The following ZDHHC20 variants were observed in gnomAD, a reference collection of about 807,000 sequenced individuals.
ZDHHC20 encodes palmitoyltransferase ZDHHC20.
A neutral mutation model predicts 57.8 loss-of-function variants in ZDHHC20; 43 were observed. That is an observed-to-expected ratio of 0.74 (90% confidence interval 0.58 to 0.96). ZDHHC20 has a LOEUF of 0.96. ZDHHC20 is among the 40% of genes least tolerant of loss of function. The pLI is 0.00. For missense variants in ZDHHC20, 391 were observed against 441.1 expected (o/e 0.89, Z 1.02); for synonymous variants, 157 against 153.0 (o/e 1.03, Z -0.19).
chr13:21,449,046 C>T (rs1265249724), intron 1 of ZDHHC20, among the ~76,000 whole-genome samples: 1 of 130,440 alleles, frequency 7.7e-6, no homozygotes, highest in East Asian at 2.0e-4. Context: ...CATCACCAAT[C>T]CCTGATCTCA....
intron 6 of ZDHHC20, among the ~76,000 whole-genome samples, chr13:21,401,445 T>C (rs578181000): frequency 1.3e-5 from 2 of 152,346 alleles, no homozygotes; most frequent in South Asian, 4.1e-4. Flanking sequence ...TGTTAATTCT[T>C]AATACATTGT....
intron 1 of ZDHHC20, among the ~76,000 whole-genome samples, chr13:21,436,853 C>A (rs958050211): frequency 1.3e-5 from 2 of 152,128 alleles, no homozygotes; most frequent in African/African-American, 4.8e-5. Flanking sequence ...GCCTCTTGGG[C>A]CAAAGTTAGC....
intron 1 of ZDHHC20, among the ~76,000 whole-genome samples, chr13:21,442,741 C>A (rs909121523): frequency 6.6e-6 from 1 of 151,518 alleles, no homozygotes; most frequent in Non-Finnish European, 1.5e-5. Flanking sequence ...GACGACAGAG[C>A]GAGACTCTAT....
chr13:21,385,745 A>G (rs1361438116), intron 9 of ZDHHC20, among the ~76,000 whole-genome samples: 2 of 152,238 alleles, frequency 1.3e-5, no homozygotes, highest in Non-Finnish European at 2.9e-5. Context: ...ATGAAAACTA[A>G]GAACTTACAG....
chr13:21,410,794 G>T (rs1879098356), intron 4 of ZDHHC20, among the ~76,000 whole-genome samples: 1 of 152,184 alleles, frequency 6.6e-6, no homozygotes, highest in Admixed American at 6.5e-5. Context: ...TAGCTTGTTG[G>T]GGTCTGTGGA....
At chr13:21,448,453 C>T (rs1370279744) in intron 1 of ZDHHC20, among the ~76,000 whole-genome samples, 2 of 102,030 alleles carry the variant, frequency 2.0e-5, no homozygotes, top group African/African-American at 3.2e-5. Flanking sequence ...CCGCCCCGTC[C>T]GGGAAGGAGG....
In ZDHHC20 at chr13:21,399,409, A is replaced by T. The variant is rs146257662; in HGVS notation, c.594+964T>A. 1.1e-4 allele frequency among the ~76,000 whole-genome samples: 17 copies of T among 152,056 alleles called. No homozygotes were observed. The East Asian group carries it at 1.7e-3, about 15-fold the overall frequency. ...AATATAAAATAATTTCTAAATTTTT[A>T]AAAAATGGCACATGCACAGAGAAAA... On this transcript the variant is annotated intron_variant, in intron 7 of 12. Transcript: ENST00000400590.
intron 4 of ZDHHC20, among the ~76,000 whole-genome samples, chr13:21,410,801 T>C (rs1296331022): frequency 3.3e-5 from 5 of 152,208 alleles, no homozygotes; most frequent in Non-Finnish European, 4.4e-5. Context: ...TTGGGGTCTG[T>C]GGAGGTGGGA....
chr13:21,452,293 G>T (rs951025039), intron 1 of ZDHHC20, among the ~76,000 whole-genome samples: 7 of 152,124 alleles, frequency 4.6e-5, no homozygotes, highest in African/African-American at 1.4e-4. Flanking sequence ...GCAAAACTTG[G>T]CAAATTTACT....
intron 7 of ZDHHC20, among the ~76,000 whole-genome samples, chr13:21,398,142 T>C (rs1877079583): frequency 6.6e-6 from 1 of 152,084 alleles, no homozygotes. Flanking sequence ...GAACACCTAC[T>C]GTGTGTTCAG....
chr13:21,407,872 G>C (rs533821909), intron 4 of ZDHHC20, among the ~76,000 whole-genome samples: 49 of 152,194 alleles, frequency 3.2e-4, no homozygotes, highest in Non-Finnish European at 5.9e-4. Context: ...TTATTAAATA[G>C]GGAATCCTTT....
At chr13:21,415,536 T>C (rs112105912) in intron 3 of ZDHHC20, among the ~76,000 whole-genome samples, 3 of 152,274 alleles carry the variant, frequency 2.0e-5, no homozygotes, top group African/African-American at 4.8e-5. Flanking sequence ...TTAAAGACAA[T>C]GGAGGCCCCT....
rs138081869 is a variant in ZDHHC20 at position 21,376,551 on chromosome 13, C to T, written c.*145G>A. On this transcript the variant is annotated 3_prime_UTR_variant, in exon 13 of 13. Transcript: ENST00000400590. ...TCCCAGGAACTGTACAAAGGCTTTC[C>T]GTTTTAAAAAATATATCTTCTGTTA... is the stretch of plus-strand genomic sequence containing the variant. The T allele has an allele frequency of 2.0e-3, 1,926 of 975,854 alleles. 1 individual carries two copies. Among genetic ancestry groups the T allele is most frequent in the Non-Finnish European group, 2.6e-3 (1,818 of 693,768 alleles). The allele number at this position is 975,854 out of a possible 1,614,324, so 60.4% of individuals were successfully genotyped here.
chr13:21,420,964 C>A, intron 3 of ZDHHC20, 97 bp downstream of exon 3: 1 of 903,572 alleles, frequency 1.1e-6, no homozygotes, highest in East Asian at 2.6e-5. Context: ...GGAAACAGAA[C>A]ACATGCATTA....
At chr13:21,407,592 T>C (rs1252580391) in intron 4 of ZDHHC20, among the ~76,000 whole-genome samples, 1 of 152,222 alleles carries the variant, frequency 6.6e-6, no homozygotes, top group Non-Finnish European at 1.5e-5. Flanking sequence ...ACTCTGATGA[T>C]AGTTTCTTTT....
intron 1 of ZDHHC20, among the ~76,000 whole-genome samples, chr13:21,434,000 G>A (rs1298318057): frequency 3.3e-5 from 5 of 151,868 alleles, no homozygotes; most frequent in Non-Finnish European, 5.9e-5. Flanking sequence ...TTCACTTTTC[G>A]GTTCTAGTAG....
chr13:21,430,687 T>C (rs1219958747), intron 1 of ZDHHC20, among the ~76,000 whole-genome samples: 1 of 152,150 alleles, frequency 6.6e-6, no homozygotes, highest in African/African-American at 2.4e-5. Context: ...GCTTGACTAA[T>C]AAAACTGGTC....
intron 11 of ZDHHC20, among the ~76,000 whole-genome samples, chr13:21,379,825 C>T (rs4562937): frequency 2.8e-4 from 38 of 137,698 alleles, no homozygotes; most frequent in East Asian, 1.7e-3. Flanking sequence ...TTTCTTTTTT[C>T]TTTTTTTTTG....
chr13:21,422,685 G>A (rs1479933986), intron 2 of ZDHHC20, among the ~76,000 whole-genome samples: 2 of 151,990 alleles, frequency 1.3e-5, no homozygotes, highest in Admixed American at 6.6e-5. Flanking sequence ...TTCACTGCCA[G>A]TGCATACTTC....
Sources: allele counts gnomAD v4.1 joint callset (sites outside exome capture counted in the v4.1 genomes callset), GRCh38; gene constraint gnomAD v4.1.1; transcripts MANE v1.5; gene names NCBI Gene and HGNC (gene_info 2026-07-23, HGNC 2026-07-21).